SACS: variants seen among roughly 807,000 people sequenced by gnomAD.
The protein encoded by SACS is sacsin molecular chaperone.
In SACS, 197 loss-of-function variants were observed where a neutral mutation model predicts 348.0. The observed-to-expected ratio is 0.57, with a 90% CI of 0.50 to 0.64. The LOEUF (loss-of-function observed/expected upper bound fraction) is 0.64, where lower values mean the gene tolerates loss of function less well. Among genes scored for constraint, SACS ranks in the 30% least tolerant of loss-of-function variants. SACS has a pLI of 0.00. For missense variants in SACS, 4,999 were observed against 5,360.8 expected (o/e 0.93, Z 2.11); for synonymous variants, 1,985 against 1,910.6 (o/e 1.04, Z -1.02).
chr13:23,391,420 T>C (rs1346711497), intron 2 of SACS, among the ~76,000 whole-genome samples: 1 of 152,068 alleles, frequency 6.6e-6, no homozygotes, highest in Non-Finnish European at 1.5e-5. Context: ...GCAGGTGGAG[T>C]TGGCCCATAA....
intron 4 of SACS, among the ~76,000 whole-genome samples, chr13:23,370,378 T>C (rs1871308663): frequency 6.6e-6 from 1 of 152,244 alleles, no homozygotes; most frequent in Non-Finnish European, 1.5e-5. Context: ...CAAACTATCA[T>C]TGTCAGTGCC....
In SACS at chr13:23,339,919, C is replaced by A; in HGVS notation, c.3957G>T (p.Lys1319Asn). The change falls in exon 10 of 10, where the codon AAG becomes AAT. Residue 1319 changes from lysine (K) to asparagine (N), a missense_variant. Physicochemically the swap from Lys to Asn is moderately conservative, Grantham distance 94. This residue lies in a region of SACS where 3,156 missense variants were observed against 3,380.1 expected (regional missense o/e 0.93). Transcript: ENST00000382292. ...TCAACTCCTCTATTGAACCACAGAC[C>A]TTAAATAGTTGGTGGAATTTTGCCA... ...KTMAKFHQLF[K>N]VCGSIEELTS... 6.2e-7 allele frequency: 1 copy of A among 1,613,922 alleles called. No individual in the cohort carries two copies. The highest frequency in any genetic ancestry group is 8.5e-7 in the Non-Finnish European group (1 of 1,179,956).
At chr13:23,399,019 C>CAAAAAGAAAAAAA (rs1872833702) in intron 2 of SACS, among the ~76,000 whole-genome samples, 1 of 67,140 alleles carries the variant, frequency 1.5e-5, no homozygotes, top group African/African-American at 5.5e-5. Flanking sequence ...GACTCCATCT[C>CAAAAAGAAAAAAA]AAAAAAAAAA....
chr13:23,400,756 C>T (rs1278959997), intron 2 of SACS, among the ~76,000 whole-genome samples: 2 of 152,156 alleles, frequency 1.3e-5, no homozygotes, highest in Non-Finnish European at 2.9e-5. Flanking sequence ...AGCATTGTTT[C>T]ACACCAACCT....
intron 2 of SACS, among the ~76,000 whole-genome samples, chr13:23,395,027 G>A (rs943052159): frequency 6.6e-6 from 1 of 152,218 alleles, no homozygotes; most frequent in African/African-American, 2.4e-5. Flanking sequence ...GGTAAAGACA[G>A]ACTTTGATTC....
rs771919940 is a variant in SACS, at chr13:23,335,707, G to C, written c.8169C>G (p.Val2723=). ...AGCGCAGTTTGTCCAAAAGATTCTG[G>C]ACCATTCTGTCTGATGCTGGAACAG... ...ISSVPASDRM[V]QNLLDKLRSD... is the part of the protein sequence containing the mutation. Residue 2723 remains valine (V), a synonymous_variant, in exon 10 of 10, where the codon GTC becomes GTG. Coordinates refer to ENST00000382292, the MANE Select transcript of SACS (RefSeq NM_014363.6). The surrounding 1 kb of genome is among the most constrained non-coding windows in gnomAD (Gnocchi z 4.7). 6.2e-7 allele frequency: 1 copy of C among 1,613,976 alleles called. No homozygotes were observed. The highest frequency in any genetic ancestry group is 8.5e-7 in the Non-Finnish European group (1 of 1,179,892).
rs17078718 is a variant in SACS, at chr13:23,410,435, G to T, written c.20+785C>A. Among the ~76,000 whole-genome samples the T allele has an allele frequency of 8.1e-3, 1,240 of 152,240 alleles. 14 individuals are homozygous for T. Among genetic ancestry groups the T allele is most frequent in the African/African-American group, 0.028 (1,179 of 41,534 alleles). On this transcript the variant is annotated intron_variant, in intron 2 of 9. Coordinates refer to ENST00000382292, the MANE Select transcript of SACS (RefSeq NM_014363.6). The stretch of plus-strand genomic sequence containing the variant: ...TCTAATGGGTAACAATTTTCAAAAG[G>T]TAAAGAGCAATACAGTGAGTTCTTT...
intron 2 of SACS, among the ~76,000 whole-genome samples, chr13:23,392,293 T>C (rs1209290449): frequency 1.3e-5 from 2 of 152,170 alleles, no homozygotes; most frequent in Non-Finnish European, 2.9e-5. Context: ...TACTTGGACA[T>C]ATGGAGGGAT....
chr13:23,340,915 C>G lies in SACS; in HGVS notation c.2961G>C (p.Lys987Asn). 1 of 1,613,874 alleles carries G rather than the reference C, an allele frequency of 6.2e-7. No individual in the cohort carries two copies. The highest frequency in any genetic ancestry group is 8.5e-7 in the Non-Finnish European group (1 of 1,179,764). Residue 987 changes from lysine to asparagine, a missense_variant, in exon 10 of 10, where the codon AAG (lysine) becomes AAC (asparagine). Lys to Asn is a moderately conservative substitution (Grantham distance 94). This residue lies in a region of SACS where 3,156 missense variants were observed against 3,380.1 expected (regional missense o/e 0.93). Coordinates refer to ENST00000382292, the MANE Select transcript of SACS (RefSeq NM_014363.6). ...AAACAAGCTTTAAGCAGCTAGTGGT[C>G]TTTAACTGTTCTATTTTCAACATGT... ...LANMLKIEQL[K>N]TTSCLKLVLK...
intron 2 of SACS, among the ~76,000 whole-genome samples, chr13:23,388,109 A>G (rs1872369793): frequency 6.6e-6 from 1 of 152,178 alleles, no homozygotes; most frequent in Non-Finnish European, 1.5e-5. Flanking sequence ...TCCACCCAAA[A>G]GAAGAGACGT....
At chr13:23,406,135 G>A (rs1873194729) in intron 2 of SACS, among the ~76,000 whole-genome samples, 1 of 152,174 alleles carries the variant, frequency 6.6e-6, no homozygotes, top group African/African-American at 2.4e-5. Context: ...CAATCCAAAT[G>A]CCCATCATTG....
rs143530284 is a variant in SACS, at chr13:23,340,756, G to C, written c.3120C>G (p.Ile1040Met). ...ATACCATCTGTTCCTGTGATATCTGGATGAATTTTAATGGTGTTAACCACT... is the reference window on the plus strand; with the variant it reads ...ATACCATCTGTTCCTGTGATATCTGCATGAATTTTAATGGTGTTAACCACT... ...VLEWLTPLKF[I>M]QISQEQMVSA... The change falls in exon 10 of 10, where the codon ATC (isoleucine) becomes ATG (methionine). Residue 1040 changes from isoleucine to methionine, a missense_variant. Ile to Met is a conservative substitution (Grantham distance 10, BLOSUM62 1). Coordinates refer to ENST00000382292, the MANE Select transcript of SACS (RefSeq NM_014363.6). The C allele has an allele frequency of 6.2e-7, 1 of 1,605,326 alleles. No individual in the cohort carries two copies. Among genetic ancestry groups the C allele is most frequent in the Non-Finnish European group, 8.5e-7 (1 of 1,176,564 alleles).
chr13:23,330,516 C>A lies in SACS; in HGVS notation c.13360G>T (p.Ala4454Ser). Residue 4454 changes from alanine (A) to serine (S), a missense_variant, in exon 10 of 10, where the codon GCC becomes TCC. Ala to Ser is a moderately conservative substitution (Grantham distance 99, BLOSUM62 1). Around this residue, in one of 6 missense-constraint regions of SACS, gnomAD observed 254 missense variants for 275.1 expected, o/e 0.92. Coordinates refer to ENST00000382292, the MANE Select transcript of SACS (RefSeq NM_014363.6). ...CTGGCAGCTGAGAAGTTTGCTCTGG[C>A]TTGTCTTAGCCATCTGCGTGCTTCC... is the stretch of plus-strand genomic sequence containing the variant. ...PVEARRWLRQ[A>S]RANFSAARND... 1 of 1,614,174 alleles carries A rather than the reference C, an allele frequency of 6.2e-7. No homozygotes were observed. Among genetic ancestry groups the A allele is most frequent in the Non-Finnish European group, 8.5e-7 (1 of 1,180,008 alleles).
At chr13:23,429,345 ATTTTTTTTTTTTTTTTTTTT>A (rs536939164) in intron 1 of SACS, among the ~76,000 whole-genome samples, 1 of 51,464 alleles carries the variant, frequency 1.9e-5, no homozygotes, top group Non-Finnish European at 3.5e-5. Context: ...TGAGGTAGGG[ATTTTTTTTTTTTTTTTTTTT>A]TTTTTTTTTT....
chr13:23,392,659 T>C (rs1593169947), intron 2 of SACS, among the ~76,000 whole-genome samples: 2 of 152,324 alleles, frequency 1.3e-5, no homozygotes, highest in East Asian at 3.9e-4. Flanking sequence ...GACTAGCAAA[T>C]GGCAAAGCTG....
At chr13:23,375,486 C>A (rs1189489754) in intron 2 of SACS, 3 of 1,146,252 alleles carry the variant, frequency 2.6e-6, no homozygotes, top group Non-Finnish European at 3.2e-6. Context: ...CAGTCCCGTA[C>A]GCAGCAGCCC....
chr13:23,336,978 CTTCT>C lies in SACS; in HGVS notation c.6894_6897del (p.Glu2299Ter). 2.5e-6 allele frequency: 4 copies of C among 1,613,944 alleles called. No individual in the cohort carries two copies. Among genetic ancestry groups the C allele is most frequent in the South Asian group, 1.1e-5 (1 of 91,070 alleles). On this transcript the variant is annotated frameshift_variant, in exon 10 of 10. Coordinates refer to ENST00000382292, the MANE Select transcript of SACS (RefSeq NM_014363.6). LOFTEE classifies it high-confidence loss of function. ...ATTCCATCATCAACTGATTTTGCTA[CTTCT>C]TTCAATTGGTTTATAACCAGATCAA...
rs1593178946 is a variant in SACS at position 23,411,624 on chromosome 13, G to A, written c.-385C>T. ...TTTGAAGGTTCTTGGGGAAAACGTC[G>A]CAGAAATTCTTGGATTTTGTTTCTC... On this transcript the variant is annotated 5_prime_UTR_variant, in exon 2 of 10. It introduces an in-frame stop codon into an upstream open reading frame of the 5' UTR. Coordinates refer to ENST00000382292, the MANE Select transcript of SACS (RefSeq NM_014363.6). The A allele has an allele frequency of 1.0e-5, 2 of 194,634 alleles. No homozygotes were observed. Among genetic ancestry groups the A allele is most frequent in the East Asian group, 1.5e-4 (1 of 6,514 alleles). The allele number at this position is 194,634 out of a possible 1,614,324, so 12.1% of individuals were successfully genotyped here.
Position 23,331,422 on chromosome 13 carries a change from CCA to C in SACS, c.12452_12453del (p.Leu4151ArgfsTer12). On this transcript the variant is annotated frameshift_variant, in exon 10 of 10. Transcript: ENST00000382292. LOFTEE classifies it high-confidence loss of function. ...ATTGGTGTGCCAGGCATTGGAAGTT[CCA>C]GTTTTGATGGCTCCGAAGAGTCATA... Reference protein sequence around the residue: ...VKYDSSEPSKLELPMPGTPIP... With the variant: ...VKYDSSEPSKXELPMPGTPIP... 6.2e-7 allele frequency: 1 copy of C among 1,613,922 alleles called. No individual in the cohort carries two copies. The highest frequency in any genetic ancestry group is 1.3e-5 in the African/African-American group (1 of 74,996).
Sources: allele counts gnomAD v4.1 joint callset (sites outside exome capture counted in the v4.1 genomes callset), GRCh38; gene constraint gnomAD v4.1.1; regional missense constraint gnomAD v4.1.1; non-coding constraint Gnocchi (gnomAD v3.1); transcripts MANE v1.5; gene names NCBI Gene and HGNC (gene_info 2026-07-23, HGNC 2026-07-21).